USP13: variants seen among roughly 807,000 people sequenced by gnomAD.
The protein encoded by USP13 is ubiquitin carboxyl-terminal hydrolase 13.
Under a neutral mutation model 107.8 loss-of-function variants are expected in USP13, and 68 were observed. The ratio of observed to expected loss-of-function variants is 0.63; its 90% confidence interval spans 0.52 to 0.77. The LOEUF is 0.77. Among genes scored for constraint, USP13 ranks in the 30% least tolerant of loss-of-function variants. USP13 has a pLI of 0.00. For synonymous variants in USP13, 377 were observed against 389.5 expected, an observed-to-expected ratio of 0.97 and a Z score of 0.38; for missense variants, 945 against 1,093.3, an observed-to-expected ratio of 0.86 and a Z score of 1.91.
chr3:179,780,778 A>C (rs1715718002), intron 19 of USP13, among the ~76,000 whole-genome samples: 1 of 152,236 alleles, frequency 6.6e-6, no homozygotes, highest in African/African-American at 2.4e-5. Flanking sequence ...AAAGAATGAG[A>C]GACAGAGGGG....
chr3:179,662,850 G>C (rs1720492757), intron 1 of USP13, among the ~76,000 whole-genome samples: 1 of 152,090 alleles, frequency 6.6e-6, no homozygotes, highest in African/African-American at 2.4e-5. Flanking sequence ...TTCCTCCCCT[G>C]CATTCCTCTC....
chr3:179,765,644 G>A, intron 18 of USP13, 51 bp from the exon 19 acceptor site: 1 of 1,597,126 alleles, frequency 6.3e-7, no homozygotes, highest in Non-Finnish European at 8.5e-7. Flanking sequence ...GACATAGTGA[G>A]GCCTGAGGCT....
chr3:179,732,472 C>T (rs958847471), intron 10 of USP13, among the ~76,000 whole-genome samples: 3 of 152,092 alleles, frequency 2.0e-5, no homozygotes, highest in African/African-American at 7.2e-5. Context: ...CTGGCTTTCC[C>T]TTCTGGTTCT....
At chr3:179,722,791 C>T (rs2300768) in intron 8 of USP13, among the ~76,000 whole-genome samples, 104,779 of 152,058 alleles carry the variant, frequency 0.69, 36,350 homozygotes, top group Admixed American at 0.76. Context: ...TTTTAAAAAG[C>T]ATCATCTGTC....
At chr3:179,781,142 G>T (rs1715732963) in intron 19 of USP13, among the ~76,000 whole-genome samples, 1 of 152,116 alleles carries the variant, frequency 6.6e-6, no homozygotes, top group Non-Finnish European at 1.5e-5. Context: ...ATATCTCTTT[G>T]TTCAGAAAAC....
chr3:179,693,191 C>G (rs939861499), intron 3 of USP13, among the ~76,000 whole-genome samples: 9 of 152,168 alleles, frequency 5.9e-5, no homozygotes, highest in Non-Finnish European at 1.2e-4. Flanking sequence ...TTCTGTTGCC[C>G]AGGCTGGAGT....
At chr3:179,707,877 C>A (rs1712779552) in intron 5 of USP13, among the ~76,000 whole-genome samples, 1 of 152,178 alleles carries the variant, frequency 6.6e-6, no homozygotes, top group Non-Finnish European at 1.5e-5. Context: ...ACTTCTGGAC[C>A]TCCATTTCTC....
intron 10 of USP13, among the ~76,000 whole-genome samples, chr3:179,734,573 A>G (rs975875533): frequency 1.2e-4 from 19 of 152,226 alleles, no homozygotes; most frequent in African/African-American, 4.1e-4. Flanking sequence ...GTATAATTTT[A>G]GCTGTGAACA....
At chr3:179,715,566 T>C (rs1167951393) in intron 6 of USP13, among the ~76,000 whole-genome samples, 1 of 151,950 alleles carries the variant, frequency 6.6e-6, no homozygotes, top group Non-Finnish European at 1.5e-5. Flanking sequence ...GGTTTCACCA[T>C]GTTGGCCAGG....
intron 13 of USP13, among the ~76,000 whole-genome samples, chr3:179,750,791 TA>T (rs1303232080): frequency 2.0e-5 from 3 of 152,208 alleles, no homozygotes. Context: ...TAGACATGAT[TA>T]GTAAGTCCAT....
At chr3:179,766,592 T>C (rs754458915) in intron 19 of USP13, among the ~76,000 whole-genome samples, 5 of 152,232 alleles carry the variant, frequency 3.3e-5, no homozygotes, top group East Asian at 1.9e-4. Context: ...AGAGGCGCCA[T>C]AGGCCGTTGT....
chr3:179,733,823 A>T (rs1713892499), intron 10 of USP13, among the ~76,000 whole-genome samples: 1 of 152,236 alleles, frequency 6.6e-6, no homozygotes, highest in Non-Finnish European at 1.5e-5. Context: ...ATATTCACTG[A>T]TGCGGAAACG....
At chr3:179,774,448 C>T (rs932915160) in intron 19 of USP13, among the ~76,000 whole-genome samples, 2 of 152,288 alleles carry the variant, frequency 1.3e-5, no homozygotes, top group Non-Finnish European at 2.9e-5. Flanking sequence ...GGTTCCTGGT[C>T]TCGCTGGCTT....
chr3:179,729,199 A>C (rs915822092), intron 8 of USP13, among the ~76,000 whole-genome samples: 2 of 152,182 alleles, frequency 1.3e-5, no homozygotes, highest in Non-Finnish European at 2.9e-5. Context: ...GGGTGGGGCC[A>C]GGGGATGGAA....
At chr3:179,754,876 A>C in intron 15 of USP13, 22 bp downstream of exon 15, 8 of 1,603,120 alleles carry the variant, frequency 5.0e-6, no homozygotes, top group Non-Finnish European at 6.8e-6. Context: ...TGCCAGGAGA[A>C]TATGCGCTAC....
intron 2 of USP13, among the ~76,000 whole-genome samples, chr3:179,685,930 AACTG>A (rs1447990491): frequency 6.6e-6 from 1 of 152,044 alleles, no homozygotes; most frequent in Non-Finnish European, 1.5e-5. Flanking sequence ...CAGCACCCTG[AACTG>A]ACTTTTATTC....
intron 10 of USP13, among the ~76,000 whole-genome samples, chr3:179,738,328 A>C (rs1714064464): frequency 6.6e-6 from 1 of 152,200 alleles, no homozygotes; most frequent in Non-Finnish European, 1.5e-5. Flanking sequence ...TTTGGCTCAA[A>C]TGACAAGGTG....
At chr3:179,783,729 A>G (rs1239462692) in intron 20 of USP13, among the ~76,000 whole-genome samples, 1 of 152,152 alleles carries the variant, frequency 6.6e-6, no homozygotes, top group African/African-American at 2.4e-5. Context: ...GTAGCTGGGT[A>G]TGATGGCATG....
chr3:179,654,152 T>C (rs1374637255), intron 1 of USP13, among the ~76,000 whole-genome samples: 1 of 142,574 alleles, frequency 7.0e-6, no homozygotes, highest in East Asian at 2.0e-4. Flanking sequence ...AGGAGGAGGC[T>C]GTAGTGGGCC....
Sources: allele counts gnomAD v4.1 joint callset (sites outside exome capture counted in the v4.1 genomes callset), GRCh38; gene constraint gnomAD v4.1.1; transcripts MANE v1.5; gene names NCBI Gene and HGNC (gene_info 2026-07-23, HGNC 2026-07-21).